Variants in EVI5 observed in about 807,000 individuals in gnomAD.
EVI5 encodes the protein ecotropic viral integration site 5 protein homolog.
A neutral mutation model predicts 112.0 loss-of-function variants in EVI5; 73 were observed. The ratio of observed to expected loss-of-function variants is 0.65; its 90% CI spans 0.54 to 0.79. The LOEUF is 0.79. EVI5 is among the 30% of genes least tolerant of loss of function. The pLI, the probability that EVI5 is intolerant of heterozygous loss-of-function variation, is 0.00. For missense variants in EVI5, 900 were observed against 968.8 expected, an observed-to-expected ratio of 0.93 and a Z score of 0.94; for synonymous variants, 305 against 319.9, an observed-to-expected ratio of 0.95 and a Z score of 0.50.
At chr1:92,605,245 TCAGA>T (rs1235933705) in intron 18 of EVI5, 58 bp downstream of exon 18, 6 of 1,085,958 alleles carry the variant, frequency 5.5e-6, no homozygotes, top group South Asian at 1.3e-5. Flanking sequence ...AAGTTACTGT[TCAGA>T]CAAAGAGGAT....
In EVI5 at chr1:92,669,350, C is replaced by A. The variant is rs528227832; in HGVS notation, c.1159-3358G>T. On this transcript the variant is annotated intron_variant, in intron 10 of 19. Transcript: ENST00000684568. ...ATCACTTGAGGCCAGAAGTTCGAGACCAGCCAGGCCAACATGGCAAAACCC... is the reference window on the plus strand; with the variant it reads ...ATCACTTGAGGCCAGAAGTTCGAGAACAGCCAGGCCAACATGGCAAAACCC... 1.7e-4 allele frequency among the ~76,000 whole-genome samples: 26 copies of A among 151,928 alleles called. No individual in the cohort carries two copies. The East Asian group carries it at 4.8e-3, about 28-fold the overall frequency.
chr1:92,572,933 T>C (rs533762099), intron 18 of EVI5, among the ~76,000 whole-genome samples: 1 of 152,096 alleles, frequency 6.6e-6, no homozygotes, highest in Non-Finnish European at 1.5e-5. Context: ...TAGTTGCAAG[T>C]TGGAGCCCAA....
chr1:92,545,577 C>T (rs1665548653), intron 19 of EVI5, among the ~76,000 whole-genome samples: 1 of 152,116 alleles, frequency 6.6e-6, no homozygotes, highest in Non-Finnish European at 1.5e-5. Context: ...CTCTGAAACA[C>T]ACCTCATATG....
intron 18 of EVI5, among the ~76,000 whole-genome samples, chr1:92,598,052 T>C (rs1648311383): frequency 1.3e-5 from 2 of 151,912 alleles, no homozygotes; most frequent in Middle Eastern, 6.8e-3. Flanking sequence ...AAGTGAGACC[T>C]TTTTTTTGAA....
intron 2 of EVI5, chr1:92,733,056 T>TAA (rs777890381): frequency 4.5e-5 from 8 of 177,470 alleles, no homozygotes; most frequent in Middle Eastern, 1.9e-3. Context: ...CCATTTTATT[T>TAA]AAAAAAAAAA....
At chr1:92,677,731 C>T (rs1352392956) in intron 9 of EVI5, among the ~76,000 whole-genome samples, 1 of 152,062 alleles carries the variant, frequency 6.6e-6, no homozygotes, top group African/African-American at 2.4e-5. Context: ...CGGGAGGAAC[C>T]ACTAATGGAT....
At chr1:92,590,878 C>T (rs1258905185) in intron 18 of EVI5, among the ~76,000 whole-genome samples, 1 of 152,154 alleles carries the variant, frequency 6.6e-6, no homozygotes, top group African/African-American at 2.4e-5. Context: ...GTCGGGTTAC[C>T]CACAAAGGGA....
At chr1:92,575,470 T>C (rs1670913987) in intron 18 of EVI5, among the ~76,000 whole-genome samples, 1 of 152,174 alleles carries the variant, frequency 6.6e-6, no homozygotes, top group African/African-American at 2.4e-5. Context: ...CAAAATATTT[T>C]ATAACTGCCC....
chr1:92,549,733 C>A (rs1162075075), intron 19 of EVI5, among the ~76,000 whole-genome samples: 4 of 152,130 alleles, frequency 2.6e-5, no homozygotes, highest in South Asian at 2.1e-4. Flanking sequence ...ATGCAGCCAA[C>A]AGACACATGA....
intron 16 of EVI5, among the ~76,000 whole-genome samples, chr1:92,613,616 G>A (rs1652383072): frequency 6.6e-6 from 1 of 151,742 alleles, no homozygotes; most frequent in South Asian, 2.1e-4. Flanking sequence ...TTTAGAAACA[G>A]GATCTTACTT....
chr1:92,640,163 G>A (rs1046729100), intron 13 of EVI5, among the ~76,000 whole-genome samples: 1 of 152,098 alleles, frequency 6.6e-6, no homozygotes, highest in Non-Finnish European at 1.5e-5. Context: ...AAAAACCCTA[G>A]AAGAAAACCT....
intron 18 of EVI5, among the ~76,000 whole-genome samples, chr1:92,570,067 G>A (rs994274187): frequency 1.4e-4 from 21 of 151,728 alleles, no homozygotes; most frequent in Admixed American, 3.9e-4. Flanking sequence ...GAATAAGAGA[G>A]TGAGTGAAAC....
At chr1:92,760,414 C>T (rs1198398078) in intron 1 of EVI5, among the ~76,000 whole-genome samples, 1 of 152,122 alleles carries the variant, frequency 6.6e-6, no homozygotes, top group Non-Finnish European at 1.5e-5. Flanking sequence ...AGCACAGCAG[C>T]TAGTATACAC....
intron 9 of EVI5, among the ~76,000 whole-genome samples, chr1:92,690,499 T>C (rs1299344658): frequency 1.3e-5 from 2 of 151,872 alleles, no homozygotes; most frequent in Admixed American, 1.3e-4. Flanking sequence ...TACACCACCA[T>C]ACCTGGCTAA....
At chr1:92,524,053 C>T (rs930156234) in intron 19 of EVI5, among the ~76,000 whole-genome samples, 5 of 148,914 alleles carry the variant, frequency 3.4e-5, no homozygotes, top group South Asian at 2.1e-4. Flanking sequence ...GCCGAGATAG[C>T]GCCACTGCAC....
At chr1:92,600,173 G>A (rs904114169) in intron 18 of EVI5, among the ~76,000 whole-genome samples, 3 of 152,116 alleles carry the variant, frequency 2.0e-5, no homozygotes, top group Non-Finnish European at 4.4e-5. Context: ...TTGAAAGATT[G>A]AAGAGTTGGC....
intron 13 of EVI5, among the ~76,000 whole-genome samples, chr1:92,660,819 A>C (rs934979012): frequency 6.6e-6 from 1 of 152,012 alleles, no homozygotes; most frequent in Non-Finnish European, 1.5e-5. Context: ...GGGGTGGTGA[A>C]CCATAAAGGG....
At chr1:92,533,286 C>G (rs1356774476) in intron 19 of EVI5, among the ~76,000 whole-genome samples, 1 of 152,082 alleles carries the variant, frequency 6.6e-6, no homozygotes, top group Non-Finnish European at 1.5e-5. Flanking sequence ...GAAATTGAGG[C>G]AGCAATTAAT....
chr1:92,514,636 G>A (rs537695577), intron 19 of EVI5, among the ~76,000 whole-genome samples: 1 of 152,166 alleles, frequency 6.6e-6, no homozygotes, highest in East Asian at 1.9e-4. Flanking sequence ...ATAATATAAT[G>A]GACTCCATGT....
Sources: allele counts gnomAD v4.1 joint callset (sites outside exome capture counted in the v4.1 genomes callset), GRCh38; gene constraint gnomAD v4.1.1; transcripts MANE v1.5; gene names NCBI Gene and HGNC (gene_info 2026-07-23, HGNC 2026-07-21).